The following THSD7B variants were observed in gnomAD, a reference collection of about 807,000 sequenced individuals.
The protein encoded by THSD7B is thrombospondin type-1 domain-containing protein 7B.
In THSD7B, 138 loss-of-function variants were observed where a neutral mutation model predicts 213.6. The ratio of observed to expected loss-of-function variants is 0.65; its 90% CI spans 0.56 to 0.74. The LOEUF (loss-of-function observed/expected upper bound fraction) is 0.74, where lower values mean the gene tolerates loss of function less well. Ranked by LOEUF, THSD7B falls within the 30% of genes least tolerant of loss-of-function variation. The pLI is 0.00. For missense variants in THSD7B, 1,931 were observed against 1,991.5 expected (o/e 0.97, Z 0.58); for synonymous variants, 742 against 687.0 (o/e 1.08, Z -1.25).
chr2:137,177,270 G>A (rs898175273), intron 7 of THSD7B, among the ~76,000 whole-genome samples: 1 of 152,054 alleles, frequency 6.6e-6, no homozygotes, highest in Non-Finnish European at 1.5e-5. Flanking sequence ...TCATCATCTT[G>A]AGTCTTGTTT....
chr2:136,882,461 A>G (rs1230682017), intron 2 of THSD7B, 144 bp downstream of exon 2: 3 of 986,880 alleles, frequency 3.0e-6, no homozygotes, highest in East Asian at 3.3e-5. Context: ...TGCAGCTCAT[A>G]TTTGATTTTT....
chr2:137,104,786 G>A (rs890891255), intron 4 of THSD7B, among the ~76,000 whole-genome samples: 3 of 152,092 alleles, frequency 2.0e-5, no homozygotes, highest in Admixed American at 1.3e-4. Context: ...ACATCTGTAC[G>A]CAAATAAACT....
At chr2:137,421,721 A>C (rs1174755557) in intron 14 of THSD7B, among the ~76,000 whole-genome samples, 2 of 152,114 alleles carry the variant, frequency 1.3e-5, no homozygotes, top group Non-Finnish European at 2.9e-5. Flanking sequence ...ACAATCATAA[A>C]TTTTGGAGAA....
At chr2:136,789,979 C>A (rs1681932907) in intron 1 of THSD7B, among the ~76,000 whole-genome samples, 2 of 151,890 alleles carry the variant, frequency 1.3e-5, no homozygotes, top group Admixed American at 1.3e-4. Context: ...TTTTTTATTT[C>A]TTAAACCCAT....
At chr2:137,451,992 A>G (rs1687660986) in intron 15 of THSD7B, 1 of 864,644 alleles carries the variant, frequency 1.2e-6, no homozygotes, top group Non-Finnish European at 1.4e-6. Context: ...TAATGTAAGG[A>G]AAATCTCATA....
chr2:137,639,136 C>A (rs1333166195), intron 20 of THSD7B, among the ~76,000 whole-genome samples: 1 of 152,058 alleles, frequency 6.6e-6, no homozygotes, highest in Non-Finnish European at 1.5e-5. Flanking sequence ...AACTTCACAG[C>A]AGGCCCTCCC....
chr2:136,921,237 AAC>A (rs202118668), intron 2 of THSD7B, among the ~76,000 whole-genome samples: 15 of 151,548 alleles, frequency 9.9e-5, no homozygotes, highest in African/African-American at 3.4e-4. Flanking sequence ...AAAAAAAAAA[AAC>A]CACATAGGCA....
At chr2:137,201,148 T>G (rs963459008) in intron 7 of THSD7B, among the ~76,000 whole-genome samples, 9 of 152,190 alleles carry the variant, frequency 5.9e-5, no homozygotes, top group Non-Finnish European at 1.2e-4. Context: ...TGTTTGACTA[T>G]ATTGATTGAT....
chr2:137,076,044 TGAG>T (rs961081526), intron 3 of THSD7B, among the ~76,000 whole-genome samples: 51 of 152,256 alleles, frequency 3.3e-4, no homozygotes, highest in Admixed American at 1.1e-3. Flanking sequence ...GGGACCCACT[TGAG>T]GAGGCAGTCT....
At chr2:137,404,601 A>T in intron 12 of THSD7B, among the ~76,000 whole-genome samples, 1 of 149,994 alleles carries the variant, frequency 6.7e-6, no homozygotes, top group Non-Finnish European at 1.5e-5. Context: ...ATATACACAC[A>T]CATACTATAT....
At chr2:136,870,091 T>C (rs955779670) in intron 1 of THSD7B, among the ~76,000 whole-genome samples, 55 of 127,956 alleles carry the variant, frequency 4.3e-4, no homozygotes, top group African/African-American at 1.5e-3. Flanking sequence ...AAAAAAAAAG[T>C]GTCAGCATTT....
rs183206096 is a variant in THSD7B at position 137,024,018 on chromosome 2, T to C, written c.140-32402T>C. 2.0e-5 allele frequency among the ~76,000 whole-genome samples: 3 copies of C among 152,278 alleles called. 1 individual carries two copies. The East Asian group carries it at 5.8e-4, about 29-fold the overall frequency. ...GAGTTCCAAGAACTGGGTTGGAAGA[T>C]GTTACGGAAAAGGCCATTGATTACA... is the stretch of plus-strand genomic sequence containing the variant. On this transcript the variant is annotated intron_variant, in intron 2 of 27. Transcript: ENST00000409968.
chr2:137,636,609 T>A (rs1682836983), intron 20 of THSD7B, among the ~76,000 whole-genome samples: 1 of 152,234 alleles, frequency 6.6e-6, no homozygotes. Context: ...ATAATTTAAT[T>A]CCCATTTAAA....
At chr2:136,779,252 A>C (rs1025660523) in intron 1 of THSD7B, among the ~76,000 whole-genome samples, 1 of 134,638 alleles carries the variant, frequency 7.4e-6, no homozygotes, top group African/African-American at 2.7e-5. Flanking sequence ...ATTCTTTTTT[A>C]ATGTCAAGTC....
chr2:137,476,576 G>A (rs1458843453), intron 15 of THSD7B, among the ~76,000 whole-genome samples: 3 of 152,110 alleles, frequency 2.0e-5, no homozygotes, highest in Non-Finnish European at 2.9e-5. Flanking sequence ...TGAAAAGGGT[G>A]TCCTTTCCCC....
At chr2:137,175,339 A>T (rs1424133733) in intron 7 of THSD7B, among the ~76,000 whole-genome samples, 2 of 152,214 alleles carry the variant, frequency 1.3e-5, no homozygotes, top group Non-Finnish European at 2.9e-5. Flanking sequence ...TACAATCTGC[A>T]CTTCTAGAAG....
intron 4 of THSD7B, among the ~76,000 whole-genome samples, chr2:137,102,458 C>G (rs1573823953): frequency 6.6e-6 from 1 of 152,176 alleles, no homozygotes; most frequent in African/African-American, 2.4e-5. Context: ...GCTGAAAATT[C>G]CAAAAACCAG....
intron 15 of THSD7B, among the ~76,000 whole-genome samples, chr2:137,537,814 A>AT (rs147302801): frequency 0.033 from 4,947 of 151,792 alleles, 110 homozygotes; most frequent in Middle Eastern, 0.082. Context: ...GGAAATATCT[A>AT]TTTTATACCA....
At chr2:137,603,331 C>T (rs576588480) in intron 17 of THSD7B, among the ~76,000 whole-genome samples, 9 of 152,228 alleles carry the variant, frequency 5.9e-5, no homozygotes, top group African/African-American at 1.4e-4. Context: ...CTGCAGACAG[C>T]GACTTTAGTT....
Sources: allele counts gnomAD v4.1 joint callset (sites outside exome capture counted in the v4.1 genomes callset), GRCh38; gene constraint gnomAD v4.1.1; transcripts MANE v1.5; gene names NCBI Gene and HGNC (gene_info 2026-07-23, HGNC 2026-07-21).